Variants in VPS13B observed in about 807,000 individuals in gnomAD.
The protein encoded by VPS13B is vacuolar protein sorting 13 homolog B, also known as intermembrane lipid transfer protein VPS13B.
Under a neutral mutation model 426.4 loss-of-function variants are expected in VPS13B, and 285 were observed. That is an observed-to-expected ratio of 0.67 (90% CI 0.61 to 0.74). VPS13B has a LOEUF of 0.74. VPS13B is among the 30% of genes least tolerant of loss of function. The pLI is 0.00. For synonymous variants in VPS13B, 1,676 were observed against 1,676.4 expected (o/e 1.00, Z 0.01); for missense variants, 4,537 against 4,782.6 (o/e 0.95, Z 1.51).
intron 19 of VPS13B, among the ~76,000 whole-genome samples, chr8:99,383,908 T>C (rs983387703): frequency 6.6e-6 from 1 of 152,238 alleles, no homozygotes; most frequent in Non-Finnish European, 1.5e-5. Context: ...TTACGAATTA[T>C]GCTGATATGA....
intron 16 of VPS13B, among the ~76,000 whole-genome samples, chr8:99,175,100 A>T (rs1426677843): frequency 7.9e-5 from 12 of 152,162 alleles, no homozygotes. Context: ...AAATGAAAAA[A>T]CCCATTGGAT....
chr8:99,779,171 G>C, intron 42 of VPS13B, 140 bp downstream of exon 42: 1 of 878,212 alleles, frequency 1.1e-6, no homozygotes, highest in Non-Finnish European at 1.8e-6. Context: ...CATTATACTT[G>C]AGGCCTTCTC....
intron 33 of VPS13B, among the ~76,000 whole-genome samples, chr8:99,606,777 G>A (rs183355508): frequency 2.9e-4 from 44 of 152,028 alleles, no homozygotes; most frequent in African/African-American, 9.6e-4. Flanking sequence ...ACAGGCATGC[G>A]CAATCACGCC....
intron 33 of VPS13B, among the ~76,000 whole-genome samples, chr8:99,625,684 T>C (rs2133901259): frequency 6.6e-6 from 1 of 151,914 alleles, no homozygotes; most frequent in African/African-American, 2.4e-5. Context: ...TGAAACCCTG[T>C]CTCTACAAAA....
intron 35 of VPS13B, among the ~76,000 whole-genome samples, chr8:99,676,800 T>C (rs371621176): frequency 1.3e-5 from 2 of 152,074 alleles, no homozygotes; most frequent in Admixed American, 6.6e-5. Flanking sequence ...GATTTTTAAA[T>C]GCAAGAAGAT....
chr8:99,358,519 A>G (rs1182256999), intron 19 of VPS13B, among the ~76,000 whole-genome samples: 1 of 152,244 alleles, frequency 6.6e-6, no homozygotes, highest in African/African-American at 2.4e-5. Flanking sequence ...TATGAGAAGA[A>G]TGTCAACACA....
chr8:99,547,555 A>T (rs536728185), intron 30 of VPS13B, among the ~76,000 whole-genome samples: 1 of 152,084 alleles, frequency 6.6e-6, no homozygotes, highest in Non-Finnish European at 1.5e-5. Flanking sequence ...AAATGGTTCA[A>T]CATGAGCTGT....
At chr8:99,649,466 C>T (rs1028735942) in intron 34 of VPS13B, among the ~76,000 whole-genome samples, 1 of 151,708 alleles carries the variant, frequency 6.6e-6, no homozygotes, top group African/African-American at 2.4e-5. Flanking sequence ...CTAAAATTTC[C>T]ATTTGGTTCT....
intron 33 of VPS13B, among the ~76,000 whole-genome samples, chr8:99,626,776 T>C (rs1329838258): frequency 6.6e-6 from 1 of 152,152 alleles, no homozygotes; most frequent in Non-Finnish European, 1.5e-5. Flanking sequence ...CATTTCTGAG[T>C]ATATACCCAA....
At chr8:99,577,914 A>G (rs1825852191) in intron 33 of VPS13B, 1 of 413,868 alleles carries the variant, frequency 2.4e-6, no homozygotes, top group South Asian at 2.3e-5. Flanking sequence ...CTGAAGTTCT[A>G]AAGTATGATG....
chr8:99,578,507 C>T (rs1162626104), intron 33 of VPS13B, among the ~76,000 whole-genome samples: 1 of 151,786 alleles, frequency 6.6e-6, no homozygotes, highest in African/African-American at 2.4e-5. Context: ...AATCTTTTAT[C>T]TTTTGTAAAT....
chr8:99,634,728 T>G (rs1829001922), intron 33 of VPS13B, among the ~76,000 whole-genome samples: 1 of 152,006 alleles, frequency 6.6e-6, no homozygotes, highest in African/African-American at 2.4e-5. Flanking sequence ...TGTTTATTTT[T>G]TTCATTAAAA....
At chr8:99,603,354 C>T (rs1423024968) in intron 33 of VPS13B, among the ~76,000 whole-genome samples, 1 of 152,108 alleles carries the variant, frequency 6.6e-6, no homozygotes, top group African/African-American at 2.4e-5. Flanking sequence ...CTATGTTTTT[C>T]CTGCACATAC....
chr8:99,111,555 T>C (rs1847369581), intron 6 of VPS13B, among the ~76,000 whole-genome samples: 2 of 152,024 alleles, frequency 1.3e-5, no homozygotes, highest in African/African-American at 2.4e-5. Flanking sequence ...TTCAAGTAGA[T>C]AGAGGAAATA....
At chr8:99,850,797 G>A (rs1362036270) in intron 55 of VPS13B, among the ~76,000 whole-genome samples, 1 of 152,028 alleles carries the variant, frequency 6.6e-6, no homozygotes, top group African/African-American at 2.4e-5. Context: ...TTGGTGGTAG[G>A]CACCTGTAAT....
chr8:99,192,456 G>T (rs1740598607), intron 16 of VPS13B, among the ~76,000 whole-genome samples: 1 of 152,152 alleles, frequency 6.6e-6, no homozygotes, highest in Admixed American at 6.5e-5. Context: ...TGAAAAACTA[G>T]TATAATGATA....
At position 99,526,982 on chromosome 8, in the gene VPS13B, T is replaced by C. The variant is rs533325715; in HGVS notation, c.4745+5972T>C. Reference sequence around the variant, plus strand: ...GCCACTTCAGAGGCTACACCCTTTGTAGGAGATGATTAAATCCATTTTTTT... The same window carrying C: ...GCCACTTCAGAGGCTACACCCTTTGCAGGAGATGATTAAATCCATTTTTTT... On this transcript the variant is annotated intron_variant, in intron 30 of 61. Coordinates refer to ENST00000357162, the MANE Select transcript of VPS13B (RefSeq NM_152564.5). 3.9e-5 allele frequency among the ~76,000 whole-genome samples: 6 copies of C among 152,338 alleles called. No homozygotes were observed. In the South Asian group the frequency reaches 6.2e-4, roughly 16 times the overall value.
At chr8:99,666,676 T>C (rs1830501584) in intron 35 of VPS13B, among the ~76,000 whole-genome samples, 1 of 152,160 alleles carries the variant, frequency 6.6e-6, no homozygotes. Flanking sequence ...ATAAGAGCTA[T>C]CTATGATAAA....
intron 19 of VPS13B, among the ~76,000 whole-genome samples, chr8:99,348,539 A>G (rs1212081291): frequency 6.6e-6 from 1 of 152,218 alleles, no homozygotes; most frequent in Non-Finnish European, 1.5e-5. Context: ...AGATGATGTT[A>G]GTTTCCCTGT....
Sources: gnomAD v4.1 joint callset for allele counts (sites outside exome capture counted in the v4.1 genomes callset) on GRCh38, gnomAD v4.1.1 for gene constraint, MANE v1.5 for transcripts, NCBI Gene and HGNC (gene_info 2026-07-23, HGNC 2026-07-21) for gene names.